ZNF804A: variants seen among roughly 807,000 people sequenced by gnomAD.
The protein encoded by ZNF804A is zinc finger protein 804A.
A neutral mutation model predicts 16.5 loss-of-function variants in ZNF804A; 2 were observed. The ratio of observed to expected loss-of-function variants is 0.12; its 90% CI spans 0.05 to 0.38. ZNF804A has a LOEUF of 0.38. Ranked by LOEUF, ZNF804A falls within the 10% of genes least tolerant of loss-of-function variation. The pLI, the probability that ZNF804A is intolerant of heterozygous loss-of-function variation, is 0.99. For synonymous variants in ZNF804A, 534 were observed against 489.6 expected, an observed-to-expected ratio of 1.09 and a Z score of -1.20; for missense variants, 1,473 against 1,390.7, an observed-to-expected ratio of 1.06 and a Z score of -0.94.
intron 1 of ZNF804A, among the ~76,000 whole-genome samples, chr2:184,654,579 G>A (rs567827777): frequency 9.9e-5 from 15 of 152,186 alleles, no homozygotes; most frequent in African/African-American, 3.6e-4. Context: ...ACTTGTGATA[G>A]GTAGACCAAT....
At chr2:184,847,681 G>T (rs954953551) in intron 1 of ZNF804A, among the ~76,000 whole-genome samples, 6 of 151,972 alleles carry the variant, frequency 3.9e-5, no homozygotes, top group Non-Finnish European at 8.8e-5. Context: ...GTTAATGTCA[G>T]ACTCCACAGG....
At chr2:184,638,084 A>G (rs940329888) in intron 1 of ZNF804A, among the ~76,000 whole-genome samples, 4 of 152,202 alleles carry the variant, frequency 2.6e-5, no homozygotes, top group Non-Finnish European at 4.4e-5. Flanking sequence ...GTTGTGTGCC[A>G]GTTAATATCC....
At chr2:184,868,551 T>C (rs16826232) in intron 2 of ZNF804A, among the ~76,000 whole-genome samples, 5,367 of 152,114 alleles carry the variant, frequency 0.035, 301 homozygotes, top group African/African-American at 0.12. Flanking sequence ...ACTTGACACT[T>C]AAAAATGTAG....
chr2:184,674,823 C>A (rs1386874200), intron 1 of ZNF804A, among the ~76,000 whole-genome samples: 4 of 151,510 alleles, frequency 2.6e-5, no homozygotes, highest in Non-Finnish European at 5.9e-5. Context: ...AAAATGTGAA[C>A]AACTCACTGT....
intron 2 of ZNF804A, chr2:184,902,641 C>G (rs1024612955): frequency 6.6e-6 from 1 of 152,068 alleles, no homozygotes; most frequent in African/African-American, 2.4e-5. Flanking sequence ...TTAGAGTGCT[C>G]TTAATGACAA....
At chr2:184,820,684 G>A (rs1695063782) in intron 1 of ZNF804A, among the ~76,000 whole-genome samples, 1 of 151,816 alleles carries the variant, frequency 6.6e-6, no homozygotes, top group Non-Finnish European at 1.5e-5. Context: ...TTTCAGCCCA[G>A]AAGCTTCTTA....
chr2:184,802,201 G>A (rs907545671), intron 1 of ZNF804A, among the ~76,000 whole-genome samples: 1 of 152,138 alleles, frequency 6.6e-6, no homozygotes, highest in African/African-American at 2.4e-5. Context: ...AATTTCACAA[G>A]TTTTGCTTCA....
intron 1 of ZNF804A, among the ~76,000 whole-genome samples, chr2:184,830,800 G>T (rs185736763): frequency 6.6e-6 from 1 of 152,160 alleles, no homozygotes; most frequent in Non-Finnish European, 1.5e-5. Context: ...GCACTGAAAA[G>T]AGTTCCATCA....
At chr2:184,759,002 G>A (rs1438621796) in intron 1 of ZNF804A, among the ~76,000 whole-genome samples, 2 of 151,546 alleles carry the variant, frequency 1.3e-5, no homozygotes, top group Non-Finnish European at 1.5e-5. Flanking sequence ...TTATGTATAT[G>A]CAATATCATA....
chr2:184,751,398 C>A (rs999536656), intron 1 of ZNF804A, among the ~76,000 whole-genome samples: 2 of 151,302 alleles, frequency 1.3e-5, no homozygotes, highest in East Asian at 3.9e-4. Flanking sequence ...AAACACAGGC[C>A]CTAAAATAAC....
intron 1 of ZNF804A, among the ~76,000 whole-genome samples, chr2:184,725,462 C>G (rs1693394162): frequency 6.6e-6 from 1 of 151,554 alleles, no homozygotes; most frequent in African/African-American, 2.4e-5. Context: ...TTCACCTACT[C>G]TAATAATAAT....
intron 1 of ZNF804A, among the ~76,000 whole-genome samples, chr2:184,780,108 A>G (rs1053712851): frequency 3.6e-4 from 55 of 151,960 alleles, no homozygotes; most frequent in African/African-American, 1.3e-3. Flanking sequence ...TATCTCCATT[A>G]TAAAGTCTAC....
At chr2:184,899,305 T>G (rs1685139118) in intron 2 of ZNF804A, among the ~76,000 whole-genome samples, 1 of 152,072 alleles carries the variant, frequency 6.6e-6, no homozygotes, top group African/African-American at 2.4e-5. Context: ...CATTGAAGTT[T>G]GTGTCCCACA....
chr2:184,604,374 C>A (rs1011270480), intron 1 of ZNF804A, among the ~76,000 whole-genome samples: 4 of 151,584 alleles, frequency 2.6e-5, no homozygotes, highest in African/African-American at 9.7e-5. Context: ...GAGGTTTCAC[C>A]GTGTTAGCCA....
intron 1 of ZNF804A, among the ~76,000 whole-genome samples, chr2:184,636,438 TGTGTGTGTGTGTGTGA>T (rs1691698528): frequency 7.4e-6 from 1 of 135,936 alleles, no homozygotes; most frequent in Non-Finnish European, 1.6e-5. Flanking sequence ...TGTGTGTGTG[TGTGTGTGTGTGTGTGA>T]GAGAGAGAGA....
intron 1 of ZNF804A, among the ~76,000 whole-genome samples, chr2:184,721,719 A>G (rs1693319401): frequency 6.6e-6 from 1 of 152,124 alleles, no homozygotes; most frequent in Admixed American, 6.6e-5. Context: ...CGACTGTACG[A>G]CCCAGCAATC....
chr2:184,788,109 T>G (rs1474090615), intron 1 of ZNF804A, among the ~76,000 whole-genome samples: 1 of 152,028 alleles, frequency 6.6e-6, no homozygotes, highest in African/African-American at 2.4e-5. Context: ...ATTTTCCCAT[T>G]GTTTATTTTT....
At chr2:184,794,085 C>T (rs1438414470) in intron 1 of ZNF804A, among the ~76,000 whole-genome samples, 1 of 151,948 alleles carries the variant, frequency 6.6e-6, no homozygotes, top group African/African-American at 2.4e-5. Flanking sequence ...GGGTAGATAC[C>T]CAGTAGTGGG....
At chr2:184,665,790 AT>A (rs779941798) in intron 1 of ZNF804A, among the ~76,000 whole-genome samples, 2 of 151,388 alleles carry the variant, frequency 1.3e-5, no homozygotes, top group East Asian at 1.9e-4. Context: ...AGTTGCCTGC[AT>A]TTTTTTTTCT....
Sources: allele counts gnomAD v4.1 joint callset (sites outside exome capture counted in the v4.1 genomes callset), GRCh38; gene constraint gnomAD v4.1.1; transcripts MANE v1.5; gene names NCBI Gene and HGNC (gene_info 2026-07-23, HGNC 2026-07-21).